ABCC8: variants seen among roughly 807,000 people sequenced by gnomAD.
ABCC8 encodes ATP binding cassette subfamily C member 8, also known as ATP-binding cassette sub-family C member 8.
ABCC8 carries 137 observed loss-of-function variants against 188.0 expected under a neutral mutation model. The observed-to-expected ratio is 0.73, with a 90% CI of 0.63 to 0.84. The LOEUF (loss-of-function observed/expected upper bound fraction) is 0.84. Ranked by LOEUF, ABCC8 falls within the 40% of genes least tolerant of loss-of-function variation. The probability of loss-of-function intolerance (pLI) is 0.00; values close to 1 mark genes in which losing one functional copy is unlikely to be tolerated. For synonymous variants in ABCC8, 797 were observed against 846.5 expected, an observed-to-expected ratio of 0.94 and a Z score of 1.01; for missense variants, 1,750 against 2,072.7, an observed-to-expected ratio of 0.84 and a Z score of 3.02.
chr11:17,463,513 G>A lies in ABCC8; in HGVS notation c.504C>T (p.Arg168=), dbSNP rs139224499. The change falls in exon 4 of 39, where the codon CGC becomes CGT. Residue 168 remains arginine (R), a synonymous_variant. Coordinates refer to ENST00000389817, the MANE Select transcript of ABCC8 (RefSeq NM_000352.6). ...LDHAIGFSQL[R]FCLTGLLVIL... Reference sequence around the variant, plus strand: ...TCACCAGCAGCCCTGTGAGGCAGAAGCGTAGCTGCGAGAAGCCGATGGCGT... The same window carrying A: ...TCACCAGCAGCCCTGTGAGGCAGAAACGTAGCTGCGAGAAGCCGATGGCGT... The A allele has an allele frequency of 3.1e-5, 49 of 1,601,086 alleles. No individual in the cohort carries two copies. Among genetic ancestry groups the A allele is most frequent in the Non-Finnish European group, 4.1e-5 (48 of 1,174,186 alleles).
Position 17,427,628 on chromosome 11 carries a change from G to C in ABCC8, c.2116+239C>G, listed in dbSNP as rs1162206366. On this transcript the variant is annotated intron_variant, in intron 15 of 38. Transcript: ENST00000389817. This position sits in a 1 kb window ranked among gnomAD's most constrained non-coding sequence, Gnocchi z 5.0. ...GATCTTTTTGTGCATTACCTATACT[G>C]TCTGCAATGGATGGTTTGACATTAA... Among the ~76,000 whole-genome samples, 9 of 152,082 alleles carry C rather than the reference G, an allele frequency of 5.9e-5. No homozygotes were observed. The highest frequency in any genetic ancestry group is 2.2e-4 in the African/African-American group (9 of 41,380).
At chr11:17,462,602 A>G (rs1847892711) in intron 4 of ABCC8, among the ~76,000 whole-genome samples, 1 of 152,264 alleles carries the variant, frequency 6.6e-6, no homozygotes, top group Non-Finnish European at 1.5e-5. Flanking sequence ...AGTATGTTCA[A>G]CACACCATTA....
intron 10 of ABCC8, chr11:17,436,090 C>T: frequency 1.2e-6 from 1 of 862,348 alleles, no homozygotes; most frequent in Non-Finnish European, 2.0e-6. Flanking sequence ...GGCTGTGATT[C>T]CCAAAGGAAC....
At chr11:17,443,418 T>C in intron 8 of ABCC8, 106 bp from the exon 9 acceptor site, 1 of 1,589,186 alleles carries the variant, frequency 6.3e-7, no homozygotes, top group Non-Finnish European at 8.5e-7. Flanking sequence ...GGACAAGCCT[T>C]GGTGCCCAGG....
intron 22 of ABCC8, 66 bp from the exon 23 acceptor site, chr11:17,408,583 A>C: frequency 6.4e-7 from 1 of 1,570,090 alleles, no homozygotes. Context: ...ACATCCCTCA[A>C]TTGTGGAGTC....
chr11:17,471,276 C>A (rs1035211574), intron 2 of ABCC8, among the ~76,000 whole-genome samples: 3 of 152,182 alleles, frequency 2.0e-5, no homozygotes, highest in Admixed American at 2.0e-4. Flanking sequence ...TGGACAGAGA[C>A]TGAGAGAGCA....
intron 17 of ABCC8, among the ~76,000 whole-genome samples, chr11:17,416,602 C>T (rs1305258252): frequency 6.6e-6 from 1 of 152,134 alleles, no homozygotes; most frequent in Non-Finnish European, 1.5e-5. Context: ...CATTGGCAGT[C>T]CCTTCCCTCT....
intron 10 of ABCC8, among the ~76,000 whole-genome samples, chr11:17,437,547 T>C (rs1015683772): frequency 1.3e-5 from 2 of 152,232 alleles, no homozygotes; most frequent in Non-Finnish European, 2.9e-5. Flanking sequence ...GAAGTGCATT[T>C]TGAGGTGCAC....
At chr11:17,440,153 C>T (rs2133585678) in intron 10 of ABCC8, among the ~76,000 whole-genome samples, 1 of 152,228 alleles carries the variant, frequency 6.6e-6, no homozygotes, top group Non-Finnish European at 1.5e-5. Context: ...GACCCAGTGC[C>T]CCCACTTTCC....
rs539474520 is a variant in ABCC8, at chr11:17,448,340, G to T, written c.1332+176C>A. 4 of 655,636 alleles carry T rather than the reference G, an allele frequency of 6.1e-6. No homozygotes were observed. In the Admixed American group the frequency reaches 9.1e-5, roughly 15 times the overall value. 40.6% of individuals were successfully genotyped at this position (655,636 alleles called of 1,614,324 possible). A position where few individuals can be genotyped will look rare whatever the true frequency, so the allele number is the denominator to read the frequency against. On this transcript the variant is annotated intron_variant, in intron 8 of 38. Coordinates refer to ENST00000389817, the MANE Select transcript of ABCC8 (RefSeq NM_000352.6). ...TCATTAAGAGAGATGGTCAGTGCTT[G>T]CAGAGTATGGGACAGGAGGGACCCA...
intron 35 of ABCC8, 58 bp from the exon 36 acceptor site, chr11:17,395,333 A>G: frequency 3.2e-6 from 5 of 1,551,572 alleles, no homozygotes; most frequent in Non-Finnish European, 4.4e-6. Flanking sequence ...CTGCATCCCC[A>G]GGCGGCAAAG....
At chr11:17,415,233 TG>T in intron 18 of ABCC8, 70 bp downstream of exon 18, 1 of 1,562,024 alleles carries the variant, frequency 6.4e-7, no homozygotes, top group South Asian at 1.2e-5. Flanking sequence ...CAGGGTGATG[TG>T]GCTCCCTTGG....
chr11:17,428,026 A>G (rs968394933), intron 14 of ABCC8, 84 bp from the exon 15 acceptor site: 1 of 1,586,074 alleles, frequency 6.3e-7, no homozygotes. Context: ...CCCCTCCTCC[A>G]TGAAAGCCAA....
In ABCC8 at chr11:17,407,333, TC is replaced by T. The variant is rs35297297; in HGVS notation, c.2920+20del. On this transcript the variant is annotated intron_variant, in intron 24 of 38. Coordinates refer to ENST00000389817, the MANE Select transcript of ABCC8 (RefSeq NM_000352.6). ...ATCAGACCTCAGGCCATAATTTCACTCCCAGTCCCATTGCCTGTACCTTCCT... is the reference window on the plus strand; with the variant it reads ...ATCAGACCTCAGGCCATAATTTCACTCCAGTCCCATTGCCTGTACCTTCCT... 2 of 1,614,060 alleles carry T rather than the reference TC, an allele frequency of 1.2e-6. No homozygotes were observed. The highest frequency in any genetic ancestry group is 1.7e-6 in the Non-Finnish European group (2 of 1,180,010).
At chr11:17,453,026 A>T (rs1472478038) in intron 7 of ABCC8, 93 bp downstream of exon 7, 1 of 1,180,256 alleles carries the variant, frequency 8.5e-7, no homozygotes, top group African/African-American at 1.5e-5. Flanking sequence ...CAGCAGAATT[A>T]TTCTTGAGTG....
chr11:17,434,542 A>C (rs1955992611), intron 10 of ABCC8, among the ~76,000 whole-genome samples: 3 of 152,168 alleles, frequency 2.0e-5, no homozygotes, highest in African/African-American at 7.2e-5. Flanking sequence ...TCCCAAACGA[A>C]ATAAACTGGA....
chr11:17,431,349 C>A (rs1955840153), intron 11 of ABCC8, among the ~76,000 whole-genome samples: 1 of 152,234 alleles, frequency 6.6e-6, no homozygotes, highest in Non-Finnish European at 1.5e-5. Context: ...CTGCACAGTG[C>A]TTTGCCCCAG....
At chr11:17,444,188 TG>T (rs1200057560) in intron 8 of ABCC8, 2 of 152,198 alleles carry the variant, frequency 1.3e-5, no homozygotes, top group Non-Finnish European at 2.9e-5. Context: ...TCTTAGAGGC[TG>T]GGAAGTGGCC....
intron 10 of ABCC8, among the ~76,000 whole-genome samples, chr11:17,439,913 G>A (rs918027043): frequency 2.8e-4 from 43 of 152,296 alleles, no homozygotes; most frequent in African/African-American, 1.0e-3. Context: ...TTGTCTTCTG[G>A]GGGCTCTGGG....
Sources: allele counts gnomAD v4.1 joint callset (sites outside exome capture counted in the v4.1 genomes callset), GRCh38; gene constraint gnomAD v4.1.1; non-coding constraint Gnocchi (gnomAD v3.1); transcripts MANE v1.5; gene names NCBI Gene and HGNC (gene_info 2026-07-23, HGNC 2026-07-21).